Variants in PRPSAP1 observed in about 807,000 individuals in gnomAD.
PRPSAP1 encodes phosphoribosyl pyrophosphate synthase-associated protein 1.
A neutral mutation model predicts 39.4 loss-of-function variants in PRPSAP1; 31 were observed. That is an observed-to-expected ratio of 0.79 (90% CI 0.59 to 1.06). The LOEUF (loss-of-function observed/expected upper bound fraction) is 1.06, where lower values mean the gene tolerates loss of function less well. Ranked by LOEUF, PRPSAP1 falls within the 50% of genes least tolerant of loss-of-function variation. PRPSAP1 has a pLI of 0.00. For missense variants in PRPSAP1, 430 were observed against 511.6 expected, an observed-to-expected ratio of 0.84 and a Z score of 1.54; for synonymous variants, 212 against 192.6, an observed-to-expected ratio of 1.10 and a Z score of -0.83.
Position 76,310,007 on chromosome 17 carries a change from A to G in PRPSAP1, c.*1535T>C, listed in dbSNP as rs2071053063. On this transcript the variant is annotated 3_prime_UTR_variant, in exon 10 of 10. Coordinates refer to ENST00000446526, the MANE Select transcript of PRPSAP1 (RefSeq NM_002766.3). ...TTTGCAGTCTTTTTTTTTTTTTGAG[A>G]TGGAATCTTGCTCTGTCACTTGGGC... 1 of 140,050 alleles carries G rather than the reference A, an allele frequency of 7.1e-6. No homozygotes were observed. The highest frequency in any genetic ancestry group is 2.9e-5 in the African/African-American group (1 of 34,354). The allele number at this position is 140,050 out of a possible 1,614,324, so 8.7% of individuals were successfully genotyped here.
At position 76,309,554 on chromosome 17, in the gene PRPSAP1, A is replaced by AAGGC. The variant is rs2071046742; in HGVS notation, c.*1987_*1988insGCCT. 1 of 152,202 alleles carries AAGGC rather than the reference A, an allele frequency of 6.6e-6. No homozygotes were observed. The highest frequency in any genetic ancestry group is 1.5e-5 in the Non-Finnish European group (1 of 68,046). The allele number at this position is 152,202 out of a possible 1,614,324, so 9.4% of individuals were successfully genotyped here. ...AAGCACAGCAAGGCTACTTAAAGAGAACCTATGAATGTGTGCCATGCATGG... is the reference window on the plus strand; with the variant it reads ...AAGCACAGCAAGGCTACTTAAAGAGAAGGCACCTATGAATGTGTGCCATGCATGG... On this transcript the variant is annotated 3_prime_UTR_variant, in exon 10 of 10. Transcript: ENST00000446526.
rs574823499 is a variant in PRPSAP1 at position 76,322,911 on chromosome 17, C to T, written c.781+5806G>A. Among the ~76,000 whole-genome samples the T allele has an allele frequency of 3.9e-4, 59 of 152,120 alleles. No homozygotes were observed. In the South Asian group the frequency reaches 0.012, roughly 30 times the overall value. ...CAGGAGGCTGAGGTGGGAGGATCAC[C>T]TGAGCCCAGGTGGTAGAGGCTGCAG... On this transcript the variant is annotated intron_variant, in intron 7 of 9. Coordinates refer to ENST00000446526, the MANE Select transcript of PRPSAP1 (RefSeq NM_002766.3).
At position 76,322,165 on chromosome 17, in the gene PRPSAP1, G is replaced by A. The variant is rs568189530; in HGVS notation, c.781+6552C>T. Among the ~76,000 whole-genome samples, 6 of 152,294 alleles carry A rather than the reference G, an allele frequency of 3.9e-5. No individual in the cohort carries two copies. The East Asian group carries it at 1.2e-3, about 29-fold the overall frequency. ...TAATCCCAGCACTTTGGGAGGCTGA[G>A]GCAGTTAGATCATTTGAGGTCAGGA... On this transcript the variant is annotated intron_variant, in intron 7 of 9. Transcript: ENST00000446526.
chr17:76,313,667 A>C, intron 8 of PRPSAP1, 154 bp downstream of exon 8: 1 of 725,506 alleles, frequency 1.4e-6, no homozygotes, highest in South Asian at 1.7e-5. Flanking sequence ...ACCTGGATAC[A>C]GGTTTCTGCC....
At chr17:76,345,099 G>A (rs577302485) in intron 2 of PRPSAP1, among the ~76,000 whole-genome samples, 2 of 152,056 alleles carry the variant, frequency 1.3e-5, no homozygotes, top group Non-Finnish European at 2.9e-5. Context: ...GCCGGGCGTG[G>A]TGGCGGGTGC....
intron 3 of PRPSAP1, among the ~76,000 whole-genome samples, chr17:76,340,902 CAA>C (rs576470881): frequency 8.9e-5 from 5 of 56,494 alleles, no homozygotes; most frequent in African/African-American, 1.4e-4. Flanking sequence ...AACTCCATCT[CAA>C]AAAAAAAAAA....
In PRPSAP1 at chr17:76,324,194, AGATCATTTTGTAGTTCATAAGTGT is replaced by A. The variant is rs957302888; in HGVS notation, c.781+4499_781+4522del. On this transcript the variant is annotated intron_variant, in intron 7 of 9. Transcript: ENST00000446526. Reference sequence around the variant, plus strand: ...TCTTCTAGGTAAAATGCTATCAAACAGATCATTTTGTAGTTCATAAGTGTGATCATTGGGTGTTCACGCTTACAT... The same window carrying A: ...TCTTCTAGGTAAAATGCTATCAAACAGATCATTGGGTGTTCACGCTTACAT... Among the ~76,000 whole-genome samples the A allele has an allele frequency of 6.1e-4, 93 of 152,128 alleles. 1 individual carries two copies. Among genetic ancestry groups the A allele is most frequent in the Middle Eastern group, 6.8e-3 (2 of 294 alleles).
At chr17:76,345,940 C>T (rs1016035136) in intron 2 of PRPSAP1, 2 of 454,084 alleles carry the variant, frequency 4.4e-6, no homozygotes, top group African/African-American at 2.1e-5. Flanking sequence ...ACCTGCTCCT[C>T]CCTCCAAAGC....
chr17:76,326,287 A>C (rs1177711910), intron 7 of PRPSAP1, among the ~76,000 whole-genome samples: 1 of 152,216 alleles, frequency 6.6e-6, no homozygotes. Flanking sequence ...CAACAATCAC[A>C]GTCAATAATT....
chr17:76,346,793 G>A (rs2071506240), intron 2 of PRPSAP1, among the ~76,000 whole-genome samples: 2 of 152,146 alleles, frequency 1.3e-5, no homozygotes, highest in African/African-American at 4.8e-5. Flanking sequence ...CACTTTGGGA[G>A]GCTGAGGCAG....
chr17:76,344,402 T>C (rs1184761407), intron 3 of PRPSAP1, among the ~76,000 whole-genome samples: 2 of 149,468 alleles, frequency 1.3e-5, no homozygotes, highest in African/African-American at 4.9e-5. Context: ...GTGCTGGGAT[T>C]ACAGGCGTGA....
intron 1 of PRPSAP1, among the ~76,000 whole-genome samples, chr17:76,352,283 G>T (rs1209567347): frequency 1.3e-5 from 2 of 152,190 alleles, no homozygotes; most frequent in Non-Finnish European, 2.9e-5. Flanking sequence ...ACAAGTGTAT[G>T]TAGAAAGGGC....
chr17:76,325,914 G>C (rs10468437), intron 7 of PRPSAP1, among the ~76,000 whole-genome samples: 64,340 of 152,004 alleles, frequency 0.42, 16,904 homozygotes, highest in Non-Finnish European at 0.58. Context: ...CCAACTGCTA[G>C]TATTTTTTAG....
intron 7 of PRPSAP1, chr17:76,314,231 T>TGTATGTATGTATG: frequency 7.4e-6 from 2 of 271,708 alleles, no homozygotes; most frequent in Admixed American, 4.8e-5. Context: ...TATGTATGTA[T>TGTATGTATGTATG]TTTTTGAGAC....
At chr17:76,345,841 C>A in intron 2 of PRPSAP1, 2 of 389,162 alleles carry the variant, frequency 5.1e-6, no homozygotes, top group East Asian at 1.4e-4. Flanking sequence ...TGCCACCATG[C>A]CCAAGAGAAA....
intron 7 of PRPSAP1, among the ~76,000 whole-genome samples, chr17:76,318,933 G>A (rs781084889): frequency 4.6e-5 from 7 of 151,850 alleles, no homozygotes; most frequent in Non-Finnish European, 5.9e-5. Flanking sequence ...TTTATTTCTC[G>A]GTCTTTTTTT....
chr17:76,332,912 A>G (rs1254115987), intron 3 of PRPSAP1, among the ~76,000 whole-genome samples: 1 of 134,544 alleles, frequency 7.4e-6, no homozygotes, highest in African/African-American at 3.0e-5. Flanking sequence ...TTTTTTTTTG[A>G]GACGGAGTCT....
intron 7 of PRPSAP1, among the ~76,000 whole-genome samples, chr17:76,324,992 T>A (rs420018): frequency 6.7e-6 from 1 of 149,398 alleles, no homozygotes; most frequent in Admixed American, 6.7e-5. Context: ...GGTGTGAACC[T>A]GGGGGGTGGA....
intron 2 of PRPSAP1, among the ~76,000 whole-genome samples, chr17:76,344,956 C>T (rs2071480054): frequency 6.6e-6 from 1 of 151,980 alleles, no homozygotes; most frequent in South Asian, 2.1e-4. Flanking sequence ...CAAGAATTAG[C>T]TGGGCGCGGT....
Sources: allele counts gnomAD v4.1 joint callset (sites outside exome capture counted in the v4.1 genomes callset), GRCh38; gene constraint gnomAD v4.1.1; transcripts MANE v1.5; gene names NCBI Gene and HGNC (gene_info 2026-07-23, HGNC 2026-07-21).